Variants in GJA5 observed in about 807,000 individuals in gnomAD.
GJA5 encodes the protein gap junction protein alpha 5.
In GJA5, 3 loss-of-function variants were observed where a neutral mutation model predicts 7.9. That is an observed-to-expected ratio of 0.38 (90% CI 0.17 to 0.99). The LOEUF (loss-of-function observed/expected upper bound fraction) is 0.99, where lower values mean the gene tolerates loss of function less well. GJA5 is among the 50% of genes least tolerant of loss of function. GJA5 has a pLI of 0.38. For missense variants in GJA5, 390 were observed against 457.9 expected, an observed-to-expected ratio of 0.85 and a Z score of 1.35; for synonymous variants, 193 against 181.0, an observed-to-expected ratio of 1.07 and a Z score of -0.53.
rs782480939 is a variant in GJA5, at chr1:147,758,408, T to G, written c.831A>C (p.Gly277=). The stretch of plus-strand genomic sequence containing the variant: ...TATTGCTGAAGGGATTGAAGAATTT[T>G]CCCCCAGGGCCATTCTCCAGGCACT... ...FNQCLENGPG[G]KFFNPFSNNM... Residue 277 remains glycine, a synonymous_variant, in exon 2 of 2, where the codon GGA becomes GGC. Coordinates refer to ENST00000579774, the MANE Select transcript of GJA5 (RefSeq NM_181703.4). The G allele has an allele frequency of 6.2e-7, 1 of 1,613,960 alleles. No individual in the cohort carries two copies. Among genetic ancestry groups the G allele is most frequent in the Non-Finnish European group, 8.5e-7 (1 of 1,179,992 alleles).
upstream of GJA5, among the ~76,000 whole-genome samples, chr1:147,763,828 G>A (rs1664105391): frequency 1.3e-5 from 2 of 150,914 alleles, no homozygotes; most frequent in South Asian, 2.1e-4. Flanking sequence ...TTTCTTTTTT[G>A]AGATGAAGTC....
At chr1:147,765,768 T>G (rs1190785373) in intron 1 of GJA5, among the ~76,000 whole-genome samples, 1 of 152,152 alleles carries the variant, frequency 6.6e-6, no homozygotes, top group Non-Finnish European at 1.5e-5. Flanking sequence ...CCTGAGGGCC[T>G]AATCTGAAGC....
intron 1 of GJA5, among the ~76,000 whole-genome samples, chr1:147,770,721 A>AT (rs782119415): frequency 3.3e-5 from 5 of 151,892 alleles, no homozygotes; most frequent in African/African-American, 4.8e-5. Context: ...TCCCTCTGTG[A>AT]TTTTTTCAAT....
At chr1:147,764,724 T>C (rs1285292888), upstream of GJA5, among the ~76,000 whole-genome samples, 2 of 149,820 alleles carry the variant, frequency 1.3e-5, no homozygotes, top group African/African-American at 2.5e-5. Context: ...CTCAGGAGGC[T>C]GAGGCAGGAG....
chr1:147,768,365 G>A (rs966773884), intron 1 of GJA5, among the ~76,000 whole-genome samples: 6 of 152,118 alleles, frequency 3.9e-5, no homozygotes, highest in South Asian at 2.1e-4. Flanking sequence ...AAAGAGATTC[G>A]TGCTAGGATA....
At chr1:147,764,241 G>A (rs1451836514), upstream of GJA5, among the ~76,000 whole-genome samples, 1 of 152,138 alleles carries the variant, frequency 6.6e-6, no homozygotes, top group Non-Finnish European at 1.5e-5. Context: ...ACAGCAAAAT[G>A]GATAAGTCTT....
chr1:147,772,419 A>G (rs1664442314), intron 1 of GJA5, among the ~76,000 whole-genome samples: 1 of 152,216 alleles, frequency 6.6e-6, no homozygotes, highest in African/African-American at 2.4e-5. Context: ...GAATGGAACC[A>G]GAGGGAACCT....
chr1:147,769,680 G>A (rs1051377925), intron 1 of GJA5, among the ~76,000 whole-genome samples: 7 of 152,018 alleles, frequency 4.6e-5, no homozygotes. Context: ...GGTAAAAGAG[G>A]GTAACTGTCA....
intron 1 of GJA5, among the ~76,000 whole-genome samples, chr1:147,769,164 A>G (rs1029393719): frequency 6.6e-6 from 1 of 152,262 alleles, no homozygotes; most frequent in Admixed American, 6.5e-5. Flanking sequence ...GGCCTCTGCC[A>G]TCATTTGGCC....
At chr1:147,762,736 T>C (rs782683806), upstream of GJA5, among the ~76,000 whole-genome samples, 39 of 152,212 alleles carry the variant, frequency 2.6e-4, no homozygotes, top group Non-Finnish European at 4.3e-4. Context: ...GTTTATAATG[T>C]GAAAGGTCTC....
intron 1 of GJA5, among the ~76,000 whole-genome samples, chr1:147,766,573 C>G (rs587775293): frequency 6.6e-6 from 1 of 152,212 alleles, no homozygotes; most frequent in South Asian, 2.1e-4. Context: ...GAGCCGTTCT[C>G]TCAGCAGGAA....
chr1:147,769,547 T>C, intron 1 of GJA5, among the ~76,000 whole-genome samples: 1 of 152,336 alleles, frequency 6.6e-6, no homozygotes, highest in Non-Finnish European at 1.5e-5. Flanking sequence ...TAGTTCCTTG[T>C]TTTCTTTTCT....
rs200371777 is a variant in GJA5, at chr1:147,758,449, G to T, written c.790C>A (p.Pro264Thr). ...TCCAGGCACTGATTAAAGTCGGGGG[G>T]TGGTGTGCAGCTCTGGACTATGCCC... ...SVGIVQSCTPPPDFNQCLENG... is the reference protein window; with the variant it reads ...SVGIVQSCTPTPDFNQCLENG... Residue 264 changes from proline (P) to threonine (T), a missense_variant, in exon 2 of 2, where the codon CCC becomes ACC. Pro to Thr is a conservative substitution (Grantham distance 38). Coordinates refer to ENST00000579774, the MANE Select transcript of GJA5 (RefSeq NM_181703.4). 1.9e-6 allele frequency: 3 copies of T among 1,614,060 alleles called. No homozygotes were observed. Among genetic ancestry groups the T allele is most frequent in the South Asian group, 1.1e-5 (1 of 91,088 alleles).
At chr1:147,771,540 C>T (rs1664402808) in intron 1 of GJA5, among the ~76,000 whole-genome samples, 1 of 152,136 alleles carries the variant, frequency 6.6e-6, no homozygotes, top group Admixed American at 6.5e-5. Context: ...TTAGGCAGTA[C>T]TAGGAGAGGG....
Position 147,757,868 on chromosome 1 carries a change from T to C in GJA5, c.*294A>G. On this transcript the variant is annotated 3_prime_UTR_variant, in exon 2 of 2. Coordinates refer to ENST00000579774, the MANE Select transcript of GJA5 (RefSeq NM_181703.4). Reference sequence around the variant, plus strand: ...CTCTGGCTATCCCTTCCAGGCCAGCTTTTGCCATGCTTCCCTTCTTTCCCT... The same window carrying C: ...CTCTGGCTATCCCTTCCAGGCCAGCCTTTGCCATGCTTCCCTTCTTTCCCT... 1 of 447,524 alleles carries C rather than the reference T, an allele frequency of 2.2e-6. No homozygotes were observed. Among genetic ancestry groups the C allele is most frequent in the Non-Finnish European group, 4.1e-6 (1 of 243,134 alleles). The allele number at this position is 447,524 out of a possible 1,614,324, so 27.7% of individuals were successfully genotyped here. A position where few individuals can be genotyped will look rare whatever the true frequency, so the allele number is the denominator to read the frequency against.
upstream of GJA5, among the ~76,000 whole-genome samples, chr1:147,765,364 C>T (rs1324855013): frequency 6.6e-6 from 1 of 152,194 alleles, no homozygotes; most frequent in Non-Finnish European, 1.5e-5. Context: ...ACCAGGGCTT[C>T]ATTCCAGAGT....
chr1:147,761,747 C>T (rs1314602018), upstream of GJA5, among the ~76,000 whole-genome samples: 2 of 152,170 alleles, frequency 1.3e-5, no homozygotes, highest in Non-Finnish European at 2.9e-5. Flanking sequence ...GGCACATGTA[C>T]AGTGTTCAGC....
chr1:147,760,297 C>G (rs1284818359), intron 1 of GJA5, among the ~76,000 whole-genome samples: 1 of 152,196 alleles, frequency 6.6e-6, no homozygotes, highest in East Asian at 1.9e-4. Context: ...CAGCCTGTTC[C>G]TGCCTGTCCA....
chr1:147,761,132 C>T (rs1439834166), upstream of GJA5, among the ~76,000 whole-genome samples: 2 of 152,182 alleles, frequency 1.3e-5, no homozygotes, highest in African/African-American at 4.8e-5. Context: ...AGAATTCTTA[C>T]TTAGTGAATA....
Sources: gnomAD v4.1 joint callset for allele counts (sites outside exome capture counted in the v4.1 genomes callset) on GRCh38, gnomAD v4.1.1 for gene constraint, MANE v1.5 for transcripts, NCBI Gene and HGNC (gene_info 2026-07-23, HGNC 2026-07-21) for gene names.